PCSK2: variants seen among roughly 807,000 people sequenced by gnomAD.
PCSK2 encodes neuroendocrine convertase 2.
Under a neutral mutation model 69.7 loss-of-function variants are expected in PCSK2, and 14 were observed. The observed-to-expected ratio is 0.20, with a 90% CI of 0.13 to 0.31. The LOEUF is 0.31. PCSK2 is among the 10% of genes least tolerant of loss of function. The pLI is 1.00. For missense variants in PCSK2, 544 were observed against 842.5 expected (o/e 0.65, Z 4.39); for synonymous variants, 307 against 320.7 (o/e 0.96, Z 0.46).
At chr20:17,240,690 C>T (rs772829122) in intron 1 of PCSK2, among the ~76,000 whole-genome samples, 1 of 152,208 alleles carries the variant, frequency 6.6e-6, no homozygotes, top group Non-Finnish European at 1.5e-5. Context: ...ATCCCCTCTA[C>T]GTGTCTCATT....
At chr20:17,430,592 T>C (rs117025344) in intron 7 of PCSK2, among the ~76,000 whole-genome samples, 1 of 152,064 alleles carries the variant, frequency 6.6e-6, no homozygotes, top group Non-Finnish European at 1.5e-5. Flanking sequence ...CATCTGGAGG[T>C]TTCTAAAATG....
chr20:17,303,442 AAT>A (rs1165546510), intron 2 of PCSK2, among the ~76,000 whole-genome samples: 5,155 of 57,410 alleles, frequency 0.09, 330 homozygotes, highest in African/African-American at 0.14. Context: ...TATATAATAT[AAT>A]ATATATTATA....
chr20:17,408,820 T>C (rs140460325), intron 5 of PCSK2, among the ~76,000 whole-genome samples: 1,987 of 152,312 alleles, frequency 0.013, 47 homozygotes, highest in African/African-American at 0.046. Flanking sequence ...AGGAAGAAGC[T>C]GGTTGTGAGC....
At chr20:17,438,275 A>T (rs2032526237) in intron 8 of PCSK2, among the ~76,000 whole-genome samples, 1 of 152,254 alleles carries the variant, frequency 6.6e-6, no homozygotes, top group Non-Finnish European at 1.5e-5. Flanking sequence ...TAAGTTATGT[A>T]CAGTCTGTTT....
chr20:17,456,250 G>C (rs2021789), intron 9 of PCSK2, 98 bp from the exon 10 acceptor site: 1 of 692,306 alleles, frequency 1.4e-6, no homozygotes, highest in Non-Finnish European at 2.6e-6. Flanking sequence ...ATAAATAAAT[G>C]AATAAATAAA....
intron 11 of PCSK2, chr20:17,479,411 G>A (rs1388448816): frequency 1.6e-5 from 10 of 636,952 alleles, no homozygotes; most frequent in Non-Finnish European, 2.7e-5. Context: ...CCTCGTCGCA[G>A]TGGCGATGGT....
intron 11 of PCSK2, among the ~76,000 whole-genome samples, chr20:17,474,002 G>T (rs920406530): frequency 4.6e-5 from 7 of 152,186 alleles, no homozygotes; most frequent in Non-Finnish European, 1.0e-4. Flanking sequence ...GAAAAGAGTT[G>T]TTCTAGTGCT....
chr20:17,465,445 T>A lies in PCSK2; in HGVS notation c.1322T>A (p.Leu441His). The change falls in exon 11 of 12, where the codon CTC becomes CAC. Residue 441 changes from leucine to histidine, a missense_variant. Coordinates refer to ENST00000262545, the MANE Select transcript of PCSK2 (RefSeq NM_002594.5). ...RNGVGLEFNH[L>H]FGYGVLDAGA... ...GGGGTCGGCCTGGAATTTAATCACC[T>A]CTTTGGCTACGGGGTCCTTGATGCA... 1 of 1,614,082 alleles carries A rather than the reference T, an allele frequency of 6.2e-7. No homozygotes were observed. Among genetic ancestry groups the A allele is most frequent in the Non-Finnish European group, 8.5e-7 (1 of 1,179,970 alleles).
chr20:17,446,678 A>C (rs1209010972), intron 8 of PCSK2, among the ~76,000 whole-genome samples: 1 of 152,230 alleles, frequency 6.6e-6, no homozygotes, highest in Admixed American at 6.5e-5. Context: ...AAATTTGCCA[A>C]AGATGTTCAT....
intron 2 of PCSK2, among the ~76,000 whole-genome samples, chr20:17,287,316 G>A (rs565119315): frequency 6.6e-5 from 10 of 152,288 alleles, no homozygotes; most frequent in Non-Finnish European, 1.3e-4. Flanking sequence ...GGGACTGAGA[G>A]AAAGTGGGGA....
intron 6 of PCSK2, among the ~76,000 whole-genome samples, chr20:17,415,470 A>C (rs932861735): frequency 2.6e-5 from 4 of 152,208 alleles, no homozygotes; most frequent in Non-Finnish European, 5.9e-5. Context: ...CTAGGAATCC[A>C]ACTTACAAGG....
intron 10 of PCSK2, among the ~76,000 whole-genome samples, chr20:17,461,436 A>T (rs1412888957): frequency 6.6e-6 from 1 of 152,236 alleles, no homozygotes; most frequent in African/African-American, 2.4e-5. Context: ...TGATGAAGAG[A>T]ACGAGACCCA....
At chr20:17,454,652 C>T (rs898350970) in intron 9 of PCSK2, among the ~76,000 whole-genome samples, 1 of 152,162 alleles carries the variant, frequency 6.6e-6, no homozygotes, top group African/African-American at 2.4e-5. Flanking sequence ...TGGATCTTTT[C>T]CTCTCTGGAG....
intron 2 of PCSK2, among the ~76,000 whole-genome samples, chr20:17,281,257 C>T (rs994096665): frequency 3.3e-5 from 5 of 152,196 alleles, no homozygotes; most frequent in Non-Finnish European, 4.4e-5. Flanking sequence ...TCTCCCTTAT[C>T]GACAATGACC....
At chr20:17,461,284 A>T (rs1277323649) in intron 10 of PCSK2, among the ~76,000 whole-genome samples, 1 of 152,212 alleles carries the variant, frequency 6.6e-6, no homozygotes, top group East Asian at 1.9e-4. Context: ...AGCTTGACTC[A>T]CAAATGCATT....
intron 2 of PCSK2, among the ~76,000 whole-genome samples, chr20:17,299,714 G>C (rs138281576): frequency 2.7e-5 from 4 of 150,908 alleles, no homozygotes; most frequent in African/African-American, 9.8e-5. Flanking sequence ...CTTTTCCTTC[G>C]CTAATCCAAT....
At chr20:17,269,427 T>C (rs1987771746) in intron 2 of PCSK2, among the ~76,000 whole-genome samples, 1 of 152,142 alleles carries the variant, frequency 6.6e-6, no homozygotes, top group Admixed American at 6.5e-5. Context: ...CTTTAGCCAT[T>C]GTGTTCTAGC....
At chr20:17,307,979 G>C (rs1055072086) in intron 2 of PCSK2, among the ~76,000 whole-genome samples, 2 of 152,140 alleles carry the variant, frequency 1.3e-5, no homozygotes, top group African/African-American at 4.8e-5. Flanking sequence ...AGGAGAGCAG[G>C]CATCTTCCAT....
chr20:17,239,094 G>T (rs574794432), intron 1 of PCSK2, among the ~76,000 whole-genome samples: 1 of 152,118 alleles, frequency 6.6e-6, no homozygotes, highest in African/African-American at 2.4e-5. Context: ...TTCCTTAATT[G>T]CCCTTAATAG....
Sources: gnomAD v4.1 joint callset for allele counts (sites outside exome capture counted in the v4.1 genomes callset) on GRCh38, gnomAD v4.1.1 for gene constraint, MANE v1.5 for transcripts, NCBI Gene and HGNC (gene_info 2026-07-23, HGNC 2026-07-21) for gene names.